Variants in TMED3 observed in about 807,000 individuals in gnomAD.
TMED3 encodes transmembrane emp24 domain-containing protein 3.
Under a neutral mutation model 15.0 loss-of-function variants are expected in TMED3, and 9 were observed. The ratio of observed to expected loss-of-function variants is 0.60; its 90% confidence interval spans 0.36 to 1.04. TMED3 has a LOEUF of 1.04. Among genes scored for constraint, TMED3 ranks in the 50% least tolerant of loss-of-function variants. TMED3 has a pLI of 0.01. For synonymous variants in TMED3, 117 were observed against 121.4 expected (o/e 0.96, Z 0.24); for missense variants, 267 against 278.9 (o/e 0.96, Z 0.30).
Position 79,387,306 on chromosome 15 carries a change from A to T in TMED3, c.418-24094A>T, listed in dbSNP as rs75113517. Among the ~76,000 whole-genome samples, 764 of 152,318 alleles carry T rather than the reference A, an allele frequency of 5.0e-3. 9 individuals are homozygous for T. The highest frequency in any genetic ancestry group is 0.018 in the African/African-American group (736 of 41,564). ...ATTTCAGTTTCTTATTGAAAAGATTATATGTCCCCCTCTGCTTTGCAGTCT... is the reference window on the plus strand; with the variant it reads ...ATTTCAGTTTCTTATTGAAAAGATTTTATGTCCCCCTCTGCTTTGCAGTCT... On this transcript the variant is annotated intron_variant, in intron 2 of 2. Coordinates refer to the TMED3 transcript ENST00000424155.
intron 2 of TMED3, among the ~76,000 whole-genome samples, chr15:79,408,594 GAGA>G (rs1436136696): frequency 6.6e-6 from 1 of 152,228 alleles, no homozygotes; most frequent in African/African-American, 2.4e-5. Flanking sequence ...CACGGAGACA[GAGA>G]AGGAGTGGGA....
intron 2 of TMED3, among the ~76,000 whole-genome samples, chr15:79,405,225 A>G (rs1319491077): frequency 1.3e-5 from 2 of 152,200 alleles, no homozygotes; most frequent in Non-Finnish European, 2.9e-5. Context: ...CCTGCTGCAG[A>G]TGGTATAGCT....
intron 2 of TMED3, among the ~76,000 whole-genome samples, chr15:79,357,172 A>T (rs2058922442): frequency 2.0e-5 from 3 of 151,982 alleles, no homozygotes; most frequent in Admixed American, 2.0e-4. Context: ...TCTATGTTAT[A>T]CTCTTTCATA....
chr15:79,326,434 A>G (rs899889919), downstream of TMED3, among the ~76,000 whole-genome samples: 2 of 152,214 alleles, frequency 1.3e-5, no homozygotes, highest in Admixed American at 1.3e-4. Context: ...ATTAATAGCA[A>G]GACCACCTGT....
intron 2 of TMED3, among the ~76,000 whole-genome samples, chr15:79,339,894 G>A (rs1426307405): frequency 7.1e-6 from 1 of 141,250 alleles, no homozygotes; most frequent in African/African-American, 2.6e-5. Context: ...GGTGGTGATG[G>A]TGGTGATTAG....
intron 2 of TMED3, among the ~76,000 whole-genome samples, chr15:79,353,209 A>T (rs1378609499): frequency 3.4e-4 from 28 of 82,772 alleles, no homozygotes; most frequent in Non-Finnish European, 5.1e-4. Context: ...TAAAATATAT[A>T]TTATATATAT....
chr15:79,356,325 G>A (rs974292883), intron 2 of TMED3, among the ~76,000 whole-genome samples: 4 of 152,176 alleles, frequency 2.6e-5, no homozygotes, highest in Non-Finnish European at 5.9e-5. Context: ...GTTTGTGTCT[G>A]TTTTCTTTAG....
chr15:79,328,493 G>C (rs56187830), intron 2 of TMED3, among the ~76,000 whole-genome samples: 27,451 of 152,170 alleles, frequency 0.18, 2,463 homozygotes, highest in Admixed American at 0.24. Flanking sequence ...CCTGGGACGC[G>C]ACCTTTGGTT....
chr15:79,313,201 C>T (rs2058724602), intron 1 of TMED3, among the ~76,000 whole-genome samples: 1 of 151,978 alleles, frequency 6.6e-6, no homozygotes, highest in Admixed American at 6.6e-5. Context: ...AAGTATTGAA[C>T]AAAGATAAAG....
intron 2 of TMED3, among the ~76,000 whole-genome samples, chr15:79,382,143 A>G (rs1052059444): frequency 1.3e-5 from 2 of 152,054 alleles, no homozygotes; most frequent in African/African-American, 4.8e-5. Context: ...AGATCACCCC[A>G]TCCTCTCGGC....
At chr15:79,320,210 A>G (rs918563469) in intron 2 of TMED3, among the ~76,000 whole-genome samples, 14 of 152,240 alleles carry the variant, frequency 9.2e-5, no homozygotes, top group Middle Eastern at 3.2e-3. Flanking sequence ...CTGTCCAGGC[A>G]TAACAGAAGG....
chr15:79,312,071 A>T (rs933242404), intron 1 of TMED3, among the ~76,000 whole-genome samples: 5 of 152,168 alleles, frequency 3.3e-5, no homozygotes, highest in African/African-American at 1.2e-4. Flanking sequence ...AGGTGACAGG[A>T]GCAGGTCTTG....
At chr15:79,335,052 A>G (rs949853748) in intron 2 of TMED3, among the ~76,000 whole-genome samples, 1 of 152,206 alleles carries the variant, frequency 6.6e-6, no homozygotes, top group Non-Finnish European at 1.5e-5. Context: ...AAAAGAACAA[A>G]AAGCTGAAAG....
intron 2 of TMED3, among the ~76,000 whole-genome samples, chr15:79,357,344 G>A (rs1008962972): frequency 6.6e-6 from 1 of 150,802 alleles, no homozygotes; most frequent in Non-Finnish European, 1.5e-5. Context: ...AAATTGCCAA[G>A]CATGGCAGTG....
chr15:79,379,549 A>G (rs530721950), intron 2 of TMED3, among the ~76,000 whole-genome samples: 1 of 151,588 alleles, frequency 6.6e-6, no homozygotes, highest in African/African-American at 2.4e-5. Context: ...ATATATATCT[A>G]ATAATTACTC....
intron 2 of TMED3, among the ~76,000 whole-genome samples, chr15:79,373,725 A>G (rs1359740445): frequency 1.3e-5 from 2 of 152,216 alleles, no homozygotes; most frequent in Non-Finnish European, 2.9e-5. Flanking sequence ...CACGCCAGGT[A>G]GTTGGGTTAC....
chr15:79,403,884 A>T (rs1372031061), intron 2 of TMED3, among the ~76,000 whole-genome samples: 1 of 152,160 alleles, frequency 6.6e-6, no homozygotes, highest in Non-Finnish European at 1.5e-5. Context: ...TACATTCTAG[A>T]TATTGGGGAC....
At chr15:79,356,518 G>A (rs997082806) in intron 2 of TMED3, among the ~76,000 whole-genome samples, 3 of 152,174 alleles carry the variant, frequency 2.0e-5, no homozygotes, top group African/African-American at 7.2e-5. Context: ...GACAGCCAAA[G>A]CCCCTGCTGT....
At chr15:79,342,202 A>T (rs1170814083) in intron 2 of TMED3, among the ~76,000 whole-genome samples, 3 of 152,212 alleles carry the variant, frequency 2.0e-5, no homozygotes, top group Non-Finnish European at 4.4e-5. Flanking sequence ...TGACATATAG[A>T]TAAGGAAAAT....
Sources: gnomAD v4.1 joint callset for allele counts (sites outside exome capture counted in the v4.1 genomes callset) on GRCh38, gnomAD v4.1.1 for gene constraint, MANE v1.5 for transcripts, NCBI Gene and HGNC (gene_info 2026-07-23, HGNC 2026-07-21) for gene names.